SCN1A: variants seen among roughly 807,000 people sequenced by gnomAD.
SCN1A encodes the protein sodium voltage-gated channel alpha subunit 1, also known as sodium channel protein type 1 subunit alpha.
Under a neutral mutation model 193.7 loss-of-function variants are expected in SCN1A, and 13 were observed. The observed-to-expected ratio is 0.07, with a 90% CI of 0.04 to 0.11. The LOEUF is 0.11. Among genes scored for constraint, SCN1A ranks in the 10% least tolerant of loss-of-function variants. The pLI, the probability that SCN1A is intolerant of heterozygous loss-of-function variation, is 1.00. For synonymous variants in SCN1A, 781 were observed against 843.6 expected, an observed-to-expected ratio of 0.93 and a Z score of 1.29; for missense variants, 1,432 against 2,451.1, an observed-to-expected ratio of 0.58 and a Z score of 8.78.
chr2:166,098,402 T>C (rs1224051284), intron 2 of SCN1A, among the ~76,000 whole-genome samples: 1 of 152,136 alleles, frequency 6.6e-6, no homozygotes, highest in East Asian at 1.9e-4. Flanking sequence ...AACATCATAC[T>C]GAGGAGGCAA....
chr2:165,986,111 A>G lies in SCN1A; in HGVS notation c.*5134T>C, dbSNP rs1265447577. 6.6e-6 allele frequency: 1 copy of G among 152,174 alleles called. No homozygotes were observed. The highest frequency in any genetic ancestry group is 2.4e-5 in the African/African-American group (1 of 41,452). The allele number at this position is 152,174 out of a possible 1,614,324, so 9.4% of individuals were successfully genotyped here. On this transcript the variant is annotated 3_prime_UTR_variant, in exon 29 of 29. Transcript: ENST00000674923. The stretch of plus-strand genomic sequence containing the variant: ...AATAAAATATTAAAACCAATGACCC[A>G]TTATCACGTATTCTCACCATCATTT...
chr2:166,109,931 A>G (rs1051173865), intron 2 of SCN1A, among the ~76,000 whole-genome samples: 1 of 152,184 alleles, frequency 6.6e-6, no homozygotes, highest in Non-Finnish European at 1.5e-5. Flanking sequence ...AGATCCAGAA[A>G]TGTAGTTAAA....
At chr2:166,148,409 T>C (rs1204784874) in intron 1 of SCN1A, among the ~76,000 whole-genome samples, 2 of 152,160 alleles carry the variant, frequency 1.3e-5, no homozygotes, top group East Asian at 1.9e-4. Context: ...CTTTTACCCA[T>C]AGAGTGAACA....
intron 17 of SCN1A, among the ~76,000 whole-genome samples, chr2:166,038,586 C>T (rs1452731147): frequency 6.6e-6 from 1 of 152,140 alleles, no homozygotes; most frequent in Non-Finnish European, 1.5e-5. Context: ...GATCCAACTG[C>T]CTCAGTCTCC....
intron 19 of SCN1A, among the ~76,000 whole-genome samples, chr2:166,033,447 C>A (rs570596092): frequency 7.7e-6 from 1 of 129,354 alleles, no homozygotes; most frequent in South Asian, 2.7e-4. Context: ...TGCAGTAGCT[C>A]ACACCTGTAA....
intron 15 of SCN1A, 27 bp from the exon 16 acceptor site, chr2:166,041,496 ACC>A (rs1390773369): frequency 5.9e-6 from 8 of 1,355,884 alleles, no homozygotes; most frequent in Non-Finnish European, 7.3e-6. Context: ...AAAAAAAAGA[ACC>A]ACCAAAAGGT....
rs761314629 is a variant in SCN1A at position 166,052,003 on chromosome 2, T to C, written c.695-15A>G. On this transcript the variant is annotated splice_polypyrimidine_tract_variant and intron_variant, in intron 8 of 28. Transcript: ENST00000674923. Reference sequence around the variant, plus strand: ...GGTTTTCAGGCCTGAAAGAAAGAAGTCTATTACTATGAAGACTTAACACGT... The same window carrying C: ...GGTTTTCAGGCCTGAAAGAAAGAAGCCTATTACTATGAAGACTTAACACGT... 3 of 1,606,742 alleles carry C rather than the reference T, an allele frequency of 1.9e-6. No homozygotes were observed. The highest frequency in any genetic ancestry group is 2.6e-6 in the Non-Finnish European group (3 of 1,175,896).
At chr2:166,095,796 A>G (rs939893394) in intron 2 of SCN1A, among the ~76,000 whole-genome samples, 5 of 152,220 alleles carry the variant, frequency 3.3e-5, no homozygotes, top group African/African-American at 1.2e-4. Context: ...TATTAATATC[A>G]GTTTCACTTA....
chr2:166,073,292 G>A, intron 4 of SCN1A, 66 bp downstream of exon 4: 1 of 1,585,920 alleles, frequency 6.3e-7, no homozygotes, highest in Non-Finnish European at 8.6e-7. Context: ...ATGTGTTGGT[G>A]CTACAACAGT....
chr2:166,094,571 A>T lies in SCN1A; in HGVS notation c.-141-16770T>A, dbSNP rs372030636. On this transcript the variant is annotated intron_variant, in intron 2 of 28. Transcript: ENST00000674923. The stretch of plus-strand genomic sequence containing the variant: ...AATATCTAGCATTTTAGATGTTTCA[A>T]AGTAGGGCCAAATGCAGAAAATAAG... Among the ~76,000 whole-genome samples, 8 of 152,224 alleles carry T rather than the reference A, an allele frequency of 5.3e-5. No individual in the cohort carries two copies. The South Asian group carries it at 1.4e-3, about 28-fold the overall frequency.
upstream of SCN1A, among the ~76,000 whole-genome samples, chr2:166,131,852 A>G (rs52248): frequency 0.92 from 139,652 of 152,266 alleles, 64,122 homozygotes; most frequent in East Asian, 1. Flanking sequence ...GGAGAAGGAA[A>G]CCATTCTTAA....
At chr2:166,130,066 AG>A (rs150922473), upstream of SCN1A, among the ~76,000 whole-genome samples, 1,048 of 152,294 alleles carry the variant, frequency 6.9e-3, 9 homozygotes, top group African/African-American at 0.024. Context: ...GACAAAAGAC[AG>A]AGACAGACTG....
chr2:166,012,097 A>T lies in SCN1A; in HGVS notation c.3879+12T>A. 6.2e-7 allele frequency: 1 copy of T among 1,608,692 alleles called. No individual in the cohort carries two copies. The highest frequency in any genetic ancestry group is 8.5e-7 in the Non-Finnish European group (1 of 1,176,070). ...TACCTTGAACAGAGACAAAAATATG[A>T]ACGATACCTACATCAACAATTAAGA... On this transcript the variant is annotated intron_variant, in intron 22 of 28. Transcript: ENST00000674923.
intron 19 of SCN1A, among the ~76,000 whole-genome samples, chr2:166,034,522 T>C (rs1470797104): frequency 6.6e-6 from 1 of 152,252 alleles, no homozygotes; most frequent in Non-Finnish European, 1.5e-5. Context: ...GCCTAAAAGA[T>C]GGGCACCCTG....
At chr2:166,062,196 T>G (rs912544149) in intron 4 of SCN1A, among the ~76,000 whole-genome samples, 1 of 152,156 alleles carries the variant, frequency 6.6e-6, no homozygotes, top group Non-Finnish European at 1.5e-5. Flanking sequence ...GATTGAAACA[T>G]ACATGCTTAT....
chr2:166,117,357 T>C (rs1007391810), intron 2 of SCN1A, among the ~76,000 whole-genome samples: 1 of 152,246 alleles, frequency 6.6e-6, no homozygotes, highest in African/African-American at 2.4e-5. Flanking sequence ...TAAAAATATG[T>C]GTACTTAATG....
intron 4 of SCN1A, 66 bp downstream of exon 4, chr2:166,073,292 G>T: frequency 6.3e-7 from 1 of 1,585,918 alleles, no homozygotes; most frequent in Non-Finnish European, 8.6e-7. Context: ...ATGTGTTGGT[G>T]CTACAACAGT....
rs778887575 is a variant in SCN1A, at chr2:166,103,996, G to A, written c.-142+22928C>T. The stretch of plus-strand genomic sequence containing the variant: ...TCCATTATATCAATTTCCTGGAAAT[G>A]TATCTCTGTTCATGGCATAGTGCCT... On this transcript the variant is annotated intron_variant, in intron 2 of 28. Transcript: ENST00000674923. Among the ~76,000 whole-genome samples the A allele has an allele frequency of 5.3e-5, 8 of 152,292 alleles. 1 individual carries two copies. The South Asian group carries it at 1.7e-3, about 32-fold the overall frequency.
intron 4 of SCN1A, among the ~76,000 whole-genome samples, chr2:166,070,467 A>G (rs1684297948): frequency 6.6e-6 from 1 of 152,142 alleles, no homozygotes; most frequent in Non-Finnish European, 1.5e-5. Context: ...TCCTCATACC[A>G]TGTGCATTTG....
Sources: gnomAD v4.1 joint callset for allele counts (sites outside exome capture counted in the v4.1 genomes callset) on GRCh38, gnomAD v4.1.1 for gene constraint, MANE v1.5 for transcripts, NCBI Gene and HGNC (gene_info 2026-07-23, HGNC 2026-07-21) for gene names.